Variants in RSU1 observed in about 807,000 individuals in gnomAD.
RSU1 encodes rsu-1.
Under a neutral mutation model 31.1 loss-of-function variants are expected in RSU1, and 26 were observed. The ratio of observed to expected loss-of-function variants is 0.84; its 90% CI spans 0.61 to 1.16. The LOEUF is 1.16. RSU1 is among the 50% of genes most tolerant of loss of function. The pLI, the probability that RSU1 is intolerant of heterozygous loss-of-function variation, is 0.00. For synonymous variants in RSU1, 164 were observed against 136.3 expected, an observed-to-expected ratio of 1.20 and a Z score of -1.41; for missense variants, 320 against 339.1, an observed-to-expected ratio of 0.94 and a Z score of 0.44.
intron 8 of RSU1, among the ~76,000 whole-genome samples, chr10:16,606,973 A>G (rs1833816308): frequency 6.6e-6 from 1 of 152,146 alleles, no homozygotes; most frequent in African/African-American, 2.4e-5. Context: ...AGCAGGTGAC[A>G]CATGGCCGTG....
At chr10:16,699,286 C>A (rs1282749144) in intron 7 of RSU1, among the ~76,000 whole-genome samples, 1 of 152,148 alleles carries the variant, frequency 6.6e-6, no homozygotes, top group Non-Finnish European at 1.5e-5. Flanking sequence ...AGCGCTGCAA[C>A]CCTCCCAGCA....
chr10:16,611,341 A>AGGCTTTATTGCCCAATCT (rs1833888798), intron 8 of RSU1, among the ~76,000 whole-genome samples: 3 of 152,206 alleles, frequency 2.0e-5, no homozygotes, highest in Non-Finnish European at 4.4e-5. Context: ...TTTTATAAAC[A>AGGCTTTATTGCCCAATCT]AGGCAATAAA....
At chr10:16,761,492 C>T (rs1257042445) in intron 4 of RSU1, among the ~76,000 whole-genome samples, 1 of 152,116 alleles carries the variant, frequency 6.6e-6, no homozygotes, top group Non-Finnish European at 1.5e-5. Context: ...CCGCCTCACA[C>T]TTTATACTCA....
chr10:16,761,149 A>C (rs1837205204), intron 4 of RSU1, among the ~76,000 whole-genome samples: 1 of 152,034 alleles, frequency 6.6e-6, no homozygotes, highest in Admixed American at 6.6e-5. Flanking sequence ...CGCCACGTTG[A>C]CCAGGCTGTT....
At chr10:16,679,389 T>C (rs1322740147) in intron 8 of RSU1, among the ~76,000 whole-genome samples, 1 of 152,132 alleles carries the variant, frequency 6.6e-6, no homozygotes, top group African/African-American at 2.4e-5. Context: ...ATACAGTACA[T>C]ACAAGGCATA....
chr10:16,741,406 G>T (rs1836747860), intron 7 of RSU1, among the ~76,000 whole-genome samples: 1 of 152,178 alleles, frequency 6.6e-6, no homozygotes. Flanking sequence ...AAAGGGTATG[G>T]CATTTCATTT....
chr10:16,750,157 G>T (rs1325801170), intron 7 of RSU1, among the ~76,000 whole-genome samples: 1 of 152,036 alleles, frequency 6.6e-6, no homozygotes, highest in Non-Finnish European at 1.5e-5. Flanking sequence ...TATTATAATA[G>T]CTGTTACTGT....
chr10:16,806,640 A>C (rs1192117268), intron 2 of RSU1, among the ~76,000 whole-genome samples: 5 of 152,202 alleles, frequency 3.3e-5, no homozygotes, highest in African/African-American at 1.2e-4. Context: ...CAATCATATT[A>C]TCTATTATTT....
At chr10:16,774,589 T>G (rs372644146) in intron 3 of RSU1, among the ~76,000 whole-genome samples, 1 of 151,774 alleles carries the variant, frequency 6.6e-6, no homozygotes, top group African/African-American at 2.4e-5. Context: ...AACAAAAAAA[T>G]AGCATCCCTA....
chr10:16,813,467 A>G (rs1322210918), intron 2 of RSU1, among the ~76,000 whole-genome samples: 1 of 152,214 alleles, frequency 6.6e-6, no homozygotes, highest in African/African-American at 2.4e-5. Flanking sequence ...CTATAGCTGG[A>G]TATTCATATT....
intron 7 of RSU1, among the ~76,000 whole-genome samples, chr10:16,727,884 G>T (rs1351549530): frequency 6.6e-6 from 1 of 152,176 alleles, no homozygotes; most frequent in Non-Finnish European, 1.5e-5. Context: ...GCCGTGGGGG[G>T]CTAGAGGAGG....
chr10:16,762,030 C>G (rs1222134658), intron 4 of RSU1, among the ~76,000 whole-genome samples: 2 of 152,222 alleles, frequency 1.3e-5, no homozygotes, highest in Non-Finnish European at 2.9e-5. Context: ...GCTGTTCCCC[C>G]TGTTGGTCCA....
chr10:16,656,817 G>A (rs562015699), intron 8 of RSU1, among the ~76,000 whole-genome samples: 7 of 152,278 alleles, frequency 4.6e-5, no homozygotes, highest in Admixed American at 3.3e-4. Context: ...TAAGAAAATG[G>A]TTTTGAAATA....
At chr10:16,660,065 G>C (rs1043615479) in intron 8 of RSU1, among the ~76,000 whole-genome samples, 4 of 152,196 alleles carry the variant, frequency 2.6e-5, no homozygotes, top group Non-Finnish European at 4.4e-5. Flanking sequence ...GGAAGATAGA[G>C]ATAGTGTCTC....
chr10:16,727,036 G>T (rs889324011), intron 7 of RSU1: 1 of 456,364 alleles, frequency 2.2e-6, no homozygotes, highest in Non-Finnish European at 4.4e-6. Context: ...CTTACCTGAA[G>T]TTAATGAGGG....
intron 7 of RSU1, among the ~76,000 whole-genome samples, chr10:16,720,733 T>C (rs1484042258): frequency 2.0e-5 from 3 of 152,228 alleles, no homozygotes; most frequent in Admixed American, 1.3e-4. Context: ...AGCTATCACA[T>C]GGTTCTTAGC....
At chr10:16,703,507 A>T (rs1363011641) in intron 7 of RSU1, among the ~76,000 whole-genome samples, 5 of 152,192 alleles carry the variant, frequency 3.3e-5, no homozygotes, top group Non-Finnish European at 7.3e-5. Flanking sequence ...TTTTCAACTG[A>T]GTGTTGCTTA....
intron 7 of RSU1, among the ~76,000 whole-genome samples, chr10:16,733,166 C>T (rs1303568539): frequency 2.0e-5 from 3 of 151,876 alleles, no homozygotes; most frequent in Non-Finnish European, 2.9e-5. Context: ...ATTTAAGGCA[C>T]TGAAATGCAA....
intron 3 of RSU1, among the ~76,000 whole-genome samples, chr10:16,780,092 T>C (rs59178336): frequency 0.011 from 1,620 of 152,258 alleles, 66 homozygotes; most frequent in East Asian, 0.085. Context: ...CACATATAAA[T>C]ATGCTCCTCT....
Sources: allele counts gnomAD v4.1 joint callset (sites outside exome capture counted in the v4.1 genomes callset), GRCh38; gene constraint gnomAD v4.1.1; transcripts MANE v1.5; gene names NCBI Gene and HGNC (gene_info 2026-07-23, HGNC 2026-07-21).